Variants in MAOB observed in about 807,000 individuals in gnomAD.
The protein encoded by MAOB is monoamine oxidase B.
MAOB carries 15 observed loss-of-function variants against 41.9 expected under a neutral mutation model. The observed-to-expected ratio is 0.36, with a 90% CI of 0.24 to 0.55. MAOB has a LOEUF of 0.55. Ranked by LOEUF, MAOB falls within the 20% of genes least tolerant of loss-of-function variation. MAOB has a pLI of 0.86. For synonymous variants in MAOB, 167 were observed against 144.2 expected (o/e 1.16, Z -1.13); for missense variants, 345 against 398.7 (o/e 0.87, Z 1.15).
At chrX:43,849,790 G>T (rs1317539217) in intron 1 of MAOB, among the ~76,000 whole-genome samples, 2 of 112,632 alleles carry the variant, frequency 1.8e-5, no homozygotes, top group African/African-American at 6.5e-5. Flanking sequence ...TTCTACAGGG[G>T]TGACATTTGA....
At chrX:43,873,356 C>A (rs367877515) in intron 1 of MAOB, among the ~76,000 whole-genome samples, 17 of 108,774 alleles carry the variant, frequency 1.6e-4, no homozygotes, top group African/African-American at 4.4e-4. Flanking sequence ...GCAAAAGGGA[C>A]GATTATTTAG....
At chrX:43,802,946 G>T (rs1474003281) in intron 4 of MAOB, among the ~76,000 whole-genome samples, 2 of 110,835 alleles carry the variant, frequency 1.8e-5, no homozygotes, top group African/African-American at 6.6e-5. Context: ...TAAAGTAAAA[G>T]AAAAAAAATG....
Position 43,767,616 on chromosome X carries a change from A to T in MAOB, c.1413T>A (p.Asp471Glu), listed in dbSNP as rs983846707. Residue 471 changes from aspartate (D) to glutamate (E), a missense_variant and splice_region_variant, in exon 15 of 15, where the codon GAT becomes GAA. By Grantham distance (45) the Asp-to-Glu change is conservative. Coordinates refer to ENST00000378069, the MANE Select transcript of MAOB (RefSeq NM_000898.5). ...TGGTGGTGATGGGCTGTGCAGGGAC[A>T]TCCTAGGTTCAGAAAACATTGGGTA... Reference protein sequence around the residue: ...EIWQSEPESVDVPAQPITTTF... With the variant: ...EIWQSEPESVEVPAQPITTTF... The T allele has an allele frequency of 8.3e-7, 1 of 1,206,293 alleles. No individual in the cohort carries two copies. The highest frequency in any genetic ancestry group is 2.2e-5 in the Admixed American group (1 of 45,633).
intron 3 of MAOB, among the ~76,000 whole-genome samples, chrX:43,805,286 G>A (rs2034648637): frequency 9.0e-6 from 1 of 111,084 alleles, no homozygotes; most frequent in Non-Finnish European, 1.9e-5. Flanking sequence ...ACTAAATTTT[G>A]TATCCTTTGA....
intron 1 of MAOB, among the ~76,000 whole-genome samples, chrX:43,854,469 A>G (rs1441297527): frequency 9.0e-6 from 1 of 111,436 alleles, no homozygotes; most frequent in Non-Finnish European, 1.9e-5. Flanking sequence ...CAATGAGAAC[A>G]CATGGACACA....
At chrX:43,841,572 T>G (rs750365411) in intron 2 of MAOB, among the ~76,000 whole-genome samples, 58 of 111,873 alleles carry the variant, frequency 5.2e-4, no homozygotes, top group African/African-American at 1.9e-3. Context: ...TAAATTCATA[T>G]GGAACTACAG....
chrX:43,816,805 G>T (rs1255972348), intron 3 of MAOB, among the ~76,000 whole-genome samples: 1 of 111,952 alleles, frequency 8.9e-6, no homozygotes, highest in African/African-American at 3.3e-5. Context: ...AGTGGCATTG[G>T]ATTTGGAGTG....
chrX:43,774,875 C>A (rs927084986), intron 12 of MAOB, among the ~76,000 whole-genome samples: 1 of 111,090 alleles, frequency 9.0e-6, no homozygotes, highest in Admixed American at 9.6e-5. Context: ...GCATGCAATG[C>A]GTAATAATCA....
chrX:43,820,147 T>C (rs1359331991), intron 3 of MAOB, among the ~76,000 whole-genome samples: 1 of 112,168 alleles, frequency 8.9e-6, no homozygotes, highest in Non-Finnish European at 1.9e-5. Context: ...TATTGAAATC[T>C]TGTCTTCCAT....
chrX:43,775,347 A>T, intron 11 of MAOB, 75 bp from the exon 12 acceptor site: 1 of 1,142,177 alleles, frequency 8.8e-7, no homozygotes, highest in East Asian at 3.3e-5. Context: ...CGAACAGTTT[A>T]GTAGGCTTTG....
chrX:43,772,040 T>G (rs780732740), intron 12 of MAOB, among the ~76,000 whole-genome samples: 2 of 111,885 alleles, frequency 1.8e-5, no homozygotes, highest in African/African-American at 3.2e-5. Context: ...TCTTAAGAAA[T>G]GTATATTTAG....
intron 8 of MAOB, among the ~76,000 whole-genome samples, chrX:43,792,106 C>A (rs1241865050): frequency 1.8e-5 from 2 of 112,436 alleles, no homozygotes; most frequent in African/African-American, 6.5e-5. Flanking sequence ...TTACTCATCT[C>A]TTTTCACAAG....
rs768413001 is a variant in MAOB, at chrX:43,786,095, A to G, written c.929-4551T>C. ...TTATCTGTAAAGTGCAATAAAGTGA[A>G]GTTCAATAAAAAGAGGTGTGCCTGT... On this transcript the variant is annotated intron_variant, in intron 8 of 14. Transcript: ENST00000378069. Among the ~76,000 whole-genome samples the G allele has an allele frequency of 5.4e-5, 6 of 112,028 alleles. No individual in the cohort carries two copies. In the East Asian group the frequency reaches 1.7e-3, roughly 32 times the overall value.
intron 3 of MAOB, among the ~76,000 whole-genome samples, chrX:43,804,913 T>C (rs1026931848): frequency 8.9e-6 from 1 of 112,212 alleles, no homozygotes; most frequent in African/African-American, 3.2e-5. Flanking sequence ...AGTTGACGTA[T>C]AAAATTAACT....
chrX:43,849,638 T>A (rs1340964341), intron 1 of MAOB, among the ~76,000 whole-genome samples: 2 of 113,118 alleles, frequency 1.8e-5, no homozygotes, highest in African/African-American at 6.4e-5. Context: ...GGGCACCACC[T>A]GAACAGCTTA....
In MAOB at chrX:43,797,113, A is replaced by G. The variant is rs751010691; in HGVS notation, c.618+12T>C. 10 of 1,195,899 alleles carry G rather than the reference A, an allele frequency of 8.4e-6. No homozygotes were observed. Among genetic ancestry groups the G allele is most frequent in the Admixed American group, 2.3e-5 (1 of 43,860 alleles). On this transcript the variant is annotated intron_variant, in intron 6 of 14. Coordinates refer to ENST00000378069, the MANE Select transcript of MAOB (RefSeq NM_000898.5). Reference sequence around the variant, plus strand: ...GTTTTTCCATTGGGACTGTGGAAGAATGGATGGGTACCTGTCCTCCATTTG... The same window carrying G: ...GTTTTTCCATTGGGACTGTGGAAGAGTGGATGGGTACCTGTCCTCCATTTG...
At chrX:43,800,192 G>A (rs1045094140) in intron 5 of MAOB, among the ~76,000 whole-genome samples, 1 of 110,816 alleles carries the variant, frequency 9.0e-6, no homozygotes, top group Non-Finnish European at 1.9e-5. Flanking sequence ...TGGAGGACTA[G>A]GCCAAGGGCT....
chrX:43,778,786 G>C, intron 10 of MAOB, 47 bp from the exon 11 acceptor site: 1 of 1,031,500 alleles, frequency 9.7e-7, no homozygotes, highest in Non-Finnish European at 1.3e-6. Flanking sequence ...AAGAAGGGAG[G>C]GAAAAAAAAA....
intron 14 of MAOB, among the ~76,000 whole-genome samples, chrX:43,768,187 A>G (rs1176494262): frequency 8.9e-6 from 1 of 112,185 alleles, no homozygotes; most frequent in Non-Finnish European, 1.9e-5. Context: ...CCTTCCAGCC[A>G]GGAAAACTTC....
Sources: allele counts gnomAD v4.1 joint callset (sites outside exome capture counted in the v4.1 genomes callset), GRCh38; gene constraint gnomAD v4.1.1; transcripts MANE v1.5; gene names NCBI Gene and HGNC (gene_info 2026-07-23, HGNC 2026-07-21).